The following UBR2 variants were observed in gnomAD, a reference collection of about 807,000 sequenced individuals.
UBR2 encodes E3 ubiquitin-protein ligase UBR2.
Under a neutral mutation model 247.9 loss-of-function variants are expected in UBR2, and 92 were observed. That is an observed-to-expected ratio of 0.37 (90% CI 0.31 to 0.44). The LOEUF is 0.44. Among genes scored for constraint, UBR2 ranks in the 20% least tolerant of loss-of-function variants. The pLI is 1.00. For synonymous variants in UBR2, 672 were observed against 693.5 expected, an observed-to-expected ratio of 0.97 and a Z score of 0.49; for missense variants, 1,613 against 2,112.6, an observed-to-expected ratio of 0.76 and a Z score of 4.64.
chr6:42,600,625 C>CAAAAAAAAAAAAAAAAAAAAAAAAAA (rs71680032), intron 4 of UBR2, among the ~76,000 whole-genome samples: 1 of 106,166 alleles, frequency 9.4e-6, no homozygotes, highest in Non-Finnish European at 1.9e-5. Flanking sequence ...GTTACTGTAG[C>CAAAAAAAAAAAAAAAAAAAAAAAAAA]AAAAAAAAAA....
At chr6:42,676,304 G>GT (rs1379894930) in intron 39 of UBR2, 113 bp downstream of exon 39, 43 of 1,169,780 alleles carry the variant, frequency 3.7e-5, no homozygotes, top group Non-Finnish European at 4.6e-5. Context: ...GAATAAGGCT[G>GT]TTTTTTTCTG....
chr6:42,688,182 G>T, intron 44 of UBR2, 34 bp from the exon 45 acceptor site: 12 of 1,613,918 alleles, frequency 7.4e-6, no homozygotes, highest in South Asian at 1.1e-5. Context: ...CCACTCTTTA[G>T]ATCAATGACT....
chr6:42,658,293 A>T lies in UBR2; in HGVS notation c.3036A>T (p.Ala1012=). Residue 1012 remains alanine (A), a synonymous_variant, in exon 28 of 47, where the codon GCA becomes GCT. Transcript: ENST00000372901. Reference sequence around the variant, plus strand: ...AGAGTTCACCTACCAGTCCCGTGGCAGAGACAGAAGGAACCATAATGGAAG... The same window carrying T: ...AGAGTTCACCTACCAGTCCCGTGGCTGAGACAGAAGGAACCATAATGGAAG... ...MRESSPTSPV[A]ETEGTIMEES... is the part of the protein sequence containing the mutation. 1.2e-6 allele frequency: 2 copies of T among 1,613,952 alleles called. No homozygotes were observed. The highest frequency in any genetic ancestry group is 1.7e-6 in the Non-Finnish European group (2 of 1,179,954).
At chr6:42,665,871 T>A (rs954567499) in intron 33 of UBR2, among the ~76,000 whole-genome samples, 1 of 152,166 alleles carries the variant, frequency 6.6e-6, no homozygotes, top group Non-Finnish European at 1.5e-5. Context: ...GACCATGCAC[T>A]GCACTTATGA....
chr6:42,659,550 CACACA>C lies in UBR2; in HGVS notation c.3243-105_3243-101del. The C allele has an allele frequency of 1.3e-6, 1 of 773,230 alleles. No individual in the cohort carries two copies. Among genetic ancestry groups the C allele is most frequent in the Non-Finnish European group, 2.1e-6 (1 of 479,058 alleles). The allele number at this position is 773,230 out of a possible 1,614,324, so 47.9% of individuals were successfully genotyped here. On this transcript the variant is annotated intron_variant, in intron 29 of 46. Coordinates refer to ENST00000372901, the MANE Select transcript of UBR2 (RefSeq NM_001363705.2). The surrounding 1 kb of genome is among the most constrained non-coding windows in gnomAD (Gnocchi z 4.3). ...ACACACACACACACACACACACACA[CACACA>C]CACACACTACACACACACACACATA... is the stretch of plus-strand genomic sequence containing the variant.
chr6:42,599,675 G>T (rs1420226653), intron 4 of UBR2, among the ~76,000 whole-genome samples: 1 of 151,860 alleles, frequency 6.6e-6, no homozygotes, highest in Non-Finnish European at 1.5e-5. Flanking sequence ...GTTGAGATGA[G>T]GTCTTGCTCT....
At chr6:42,605,905 G>C in intron 6 of UBR2, 46 bp downstream of exon 6, 4 of 1,520,384 alleles carry the variant, frequency 2.6e-6, no homozygotes, top group Non-Finnish European at 3.6e-6. Context: ...TTTTACTATA[G>C]GTAAGTTACT....
chr6:42,584,371 A>T, intron 2 of UBR2, among the ~76,000 whole-genome samples: 1 of 152,214 alleles, frequency 6.6e-6, no homozygotes. Flanking sequence ...AATCTAGTTC[A>T]TTCATTGCTA....
intron 15 of UBR2, among the ~76,000 whole-genome samples, chr6:42,637,612 C>G (rs1796180091): frequency 6.6e-6 from 1 of 152,186 alleles, no homozygotes; most frequent in South Asian, 2.1e-4. Context: ...TTTGAAGCCA[C>G]CCTAGGTTTT....
intron 34 of UBR2, among the ~76,000 whole-genome samples, chr6:42,667,515 A>G (rs1798172721): frequency 6.8e-6 from 1 of 147,296 alleles, no homozygotes; most frequent in Admixed American, 6.8e-5. Flanking sequence ...CAGTTTTTAC[A>G]TTATAATAAC....
At position 42,564,256 on chromosome 6, in the gene UBR2, C is replaced by T. The variant is rs1462137823; in HGVS notation, c.-64C>T. The T allele has an allele frequency of 6.4e-7, 1 of 1,564,102 alleles. No homozygotes were observed. The highest frequency in any genetic ancestry group is 8.7e-7 in the Non-Finnish European group (1 of 1,154,784). ...GGGCAGGGGTGGCAGTCGAGGCCGCCGGGGCCGAGGTGAGGCTGCAGCTCT... is the reference window on the plus strand; with the variant it reads ...GGGCAGGGGTGGCAGTCGAGGCCGCTGGGGCCGAGGTGAGGCTGCAGCTCT... On this transcript the variant is annotated 5_prime_UTR_variant, in exon 1 of 47. Transcript: ENST00000372901.
intron 46 of UBR2, among the ~76,000 whole-genome samples, chr6:42,690,109 T>C (rs1799670020): frequency 6.6e-6 from 1 of 152,220 alleles, no homozygotes; most frequent in South Asian, 2.1e-4. Flanking sequence ...ATAACAATAT[T>C]TGAGGCTAAG....
chr6:42,615,053 C>T lies in UBR2; in HGVS notation c.986-18C>T, dbSNP rs774081767. 3 of 1,602,646 alleles carry T rather than the reference C, an allele frequency of 1.9e-6. No individual in the cohort carries two copies. The highest frequency in any genetic ancestry group is 2.6e-6 in the Non-Finnish European group (3 of 1,172,998). On this transcript the variant is annotated intron_variant, in intron 8 of 46. Transcript: ENST00000372901. The stretch of plus-strand genomic sequence containing the variant: ...ATTTGAAGTTGCTATCTCATTCTAC[C>T]TTTCCTTCTATTTAAAGATGGCCTT...
At chr6:42,648,074 T>C (rs949281976) in intron 21 of UBR2, 44 bp from the exon 22 acceptor site, 23 of 1,504,452 alleles carry the variant, frequency 1.5e-5, no homozygotes, top group Non-Finnish European at 2.1e-5. Context: ...AGAGTGCTAG[T>C]AGTTATTATT....
At position 42,586,175 on chromosome 6, in the gene UBR2, G is replaced by A. The variant is rs1190575823; in HGVS notation, c.339-5976G>A. On this transcript the variant is annotated intron_variant, in intron 2 of 46. Coordinates refer to ENST00000372901, the MANE Select transcript of UBR2 (RefSeq NM_001363705.2). ...AGCCCAGGAGTTCAAGACCAGCCTG[G>A]GCAACATGTCGAAACCCCATCTCTA... 2.6e-5 allele frequency among the ~76,000 whole-genome samples: 4 copies of A among 151,726 alleles called. No individual in the cohort carries two copies. The East Asian group carries it at 7.7e-4, about 29-fold the overall frequency.
intron 31 of UBR2, among the ~76,000 whole-genome samples, chr6:42,662,726 A>G (rs1797885009): frequency 6.6e-6 from 1 of 152,190 alleles, no homozygotes; most frequent in Non-Finnish European, 1.5e-5. Context: ...ATGCTTCTAC[A>G]AAACCAACAA....
intron 2 of UBR2, among the ~76,000 whole-genome samples, chr6:42,591,278 T>C (rs1792642633): frequency 6.6e-6 from 1 of 152,184 alleles, no homozygotes; most frequent in African/African-American, 2.4e-5. Flanking sequence ...GATTTCTGTG[T>C]CTGTAACTAG....
Position 42,574,840 on chromosome 6 carries a change from C to T in UBR2, c.338+847C>T, listed in dbSNP as rs149756792. ...CCTCCCAACTGGCTGGGATTACAGG[C>T]TTAGCCCATGACCATGCCCAGTTAA... is the stretch of plus-strand genomic sequence containing the variant. On this transcript the variant is annotated intron_variant, in intron 2 of 46. Coordinates refer to ENST00000372901, the MANE Select transcript of UBR2 (RefSeq NM_001363705.2). Among the ~76,000 whole-genome samples the T allele has an allele frequency of 4.5e-3, 684 of 152,106 alleles. 3 individuals carry two copies. The highest frequency in any genetic ancestry group is 0.014 in the African/African-American group (565 of 41,506).
intron 10 of UBR2, 65 bp from the exon 11 acceptor site, chr6:42,617,344 T>C (rs1215194112): frequency 6.2e-7 from 1 of 1,613,858 alleles, no homozygotes; most frequent in Non-Finnish European, 8.5e-7. Flanking sequence ...CTCTGGTGAG[T>C]AGTGCTTGCC....
Sources: allele counts gnomAD v4.1 joint callset (sites outside exome capture counted in the v4.1 genomes callset), GRCh38; gene constraint gnomAD v4.1.1; non-coding constraint Gnocchi (gnomAD v3.1); transcripts MANE v1.5; gene names NCBI Gene and HGNC (gene_info 2026-07-23, HGNC 2026-07-21).